The following SLC9A9 variants were observed in gnomAD, a reference collection of about 807,000 sequenced individuals.
SLC9A9 encodes sodium/hydrogen exchanger 9.
A neutral mutation model predicts 77.8 loss-of-function variants in SLC9A9; 62 were observed. That is an observed-to-expected ratio of 0.80 (90% CI 0.65 to 0.98). SLC9A9 has a LOEUF of 0.98. SLC9A9 is among the 50% of genes least tolerant of loss of function. SLC9A9 has a pLI of 0.00. For synonymous variants in SLC9A9, 320 were observed against 283.5 expected, an observed-to-expected ratio of 1.13 and a Z score of -1.29; for missense variants, 775 against 774.9, an observed-to-expected ratio of 1.00 and a Z score of 0.00.
At chr3:143,525,951 G>A (rs1269054446) in intron 9 of SLC9A9, among the ~76,000 whole-genome samples, 2 of 152,112 alleles carry the variant, frequency 1.3e-5, no homozygotes, top group African/African-American at 4.8e-5. Context: ...ACAAAAGACT[G>A]GAAGGAAAAA....
intron 4 of SLC9A9, among the ~76,000 whole-genome samples, chr3:143,727,982 C>A (rs898333054): frequency 3.3e-5 from 5 of 152,224 alleles, no homozygotes; most frequent in African/African-American, 4.8e-5. Context: ...GGCTTCCCCT[C>A]GTTGCCTGCA....
intron 6 of SLC9A9, among the ~76,000 whole-genome samples, chr3:143,602,610 CTA>C (rs2037863136): frequency 6.6e-6 from 1 of 151,954 alleles, no homozygotes; most frequent in Non-Finnish European, 1.5e-5. Flanking sequence ...TTTTAAAAGA[CTA>C]GGAAATATAG....
intron 7 of SLC9A9, among the ~76,000 whole-genome samples, chr3:143,574,941 C>T (rs1420340572): frequency 6.6e-6 from 1 of 152,150 alleles, no homozygotes; most frequent in Non-Finnish European, 1.5e-5. Context: ...ATATTAGGCA[C>T]AAAATGCCCT....
intron 14 of SLC9A9, among the ~76,000 whole-genome samples, chr3:143,298,410 G>A (rs2030373525): frequency 6.6e-6 from 1 of 152,190 alleles, no homozygotes; most frequent in Admixed American, 6.5e-5. Flanking sequence ...GATGCATTTA[G>A]TGGCATGAAC....
intron 5 of SLC9A9, among the ~76,000 whole-genome samples, chr3:143,680,597 T>C (rs1933055742): frequency 6.6e-6 from 1 of 152,162 alleles, no homozygotes; most frequent in African/African-American, 2.4e-5. Context: ...TTCTAGAAAC[T>C]TGCTGCTAAA....
chr3:143,558,218 G>A (rs1395743875), intron 8 of SLC9A9, among the ~76,000 whole-genome samples: 1 of 152,236 alleles, frequency 6.6e-6, no homozygotes, highest in Admixed American at 6.5e-5. Context: ...TGGATGTACA[G>A]GCAGAAGTTT....
chr3:143,447,240 G>A (rs959148972), intron 12 of SLC9A9, among the ~76,000 whole-genome samples: 1 of 152,108 alleles, frequency 6.6e-6, no homozygotes, highest in African/African-American at 2.4e-5. Context: ...TTTCACCTTG[G>A]TGCCCTACTG....
intron 4 of SLC9A9, among the ~76,000 whole-genome samples, chr3:143,693,602 T>C (rs1232405985): frequency 6.6e-6 from 1 of 152,186 alleles, no homozygotes; most frequent in Admixed American, 6.6e-5. Context: ...CTGTCAAATG[T>C]GGCACAGCAA....
intron 8 of SLC9A9, among the ~76,000 whole-genome samples, chr3:143,572,258 T>C (rs572833829): frequency 6.6e-6 from 1 of 152,088 alleles, no homozygotes; most frequent in Non-Finnish European, 1.5e-5. Context: ...GACAAGGAAA[T>C]AGACAATTTT....
intron 2 of SLC9A9, among the ~76,000 whole-genome samples, chr3:143,812,775 A>G (rs552450624): frequency 6.6e-6 from 1 of 152,322 alleles, no homozygotes; most frequent in East Asian, 1.9e-4. Flanking sequence ...GACTAGATTA[A>G]AGGAAGTCAG....
intron 4 of SLC9A9, among the ~76,000 whole-genome samples, chr3:143,778,572 GA>G (rs376100650): frequency 6.6e-5 from 10 of 150,722 alleles, no homozygotes; most frequent in African/African-American, 2.2e-4. Context: ...CAAGGAGGAA[GA>G]AAAAAAAGGA....
At chr3:143,600,386 C>A (rs1430593753) in intron 6 of SLC9A9, among the ~76,000 whole-genome samples, 1 of 152,114 alleles carries the variant, frequency 6.6e-6, no homozygotes, top group Non-Finnish European at 1.5e-5. Context: ...TACTATACAG[C>A]CATAAGAAAG....
At chr3:143,795,836 C>T (rs1466641780) in intron 3 of SLC9A9, among the ~76,000 whole-genome samples, 2 of 152,186 alleles carry the variant, frequency 1.3e-5, no homozygotes, top group East Asian at 1.9e-4. Flanking sequence ...GGAAGGGTTA[C>T]CTGAACAAAT....
chr3:143,845,912 G>T (rs371170754), intron 1 of SLC9A9, among the ~76,000 whole-genome samples: 113 of 152,290 alleles, frequency 7.4e-4, no homozygotes, highest in African/African-American at 2.6e-3. Flanking sequence ...ACTCATGAAA[G>T]AAGAATAGGA....
chr3:143,589,347 CA>C (rs2037610489), intron 6 of SLC9A9, among the ~76,000 whole-genome samples: 1 of 151,950 alleles, frequency 6.6e-6, no homozygotes, highest in African/African-American at 2.4e-5. Flanking sequence ...AATTATCTAA[CA>C]AAAAAAGTAC....
intron 9 of SLC9A9, among the ~76,000 whole-genome samples, chr3:143,521,116 C>T (rs530887270): frequency 8.1e-4 from 123 of 152,164 alleles, no homozygotes; most frequent in Non-Finnish European, 1.3e-3. Flanking sequence ...ATCAAATTGA[C>T]CAATCTTTTA....
intron 2 of SLC9A9, among the ~76,000 whole-genome samples, chr3:143,808,986 GAA>G (rs1286383034): frequency 7.9e-5 from 12 of 152,160 alleles, no homozygotes. Flanking sequence ...AAAATTTGAG[GAA>G]AGATCTTAAT....
intron 4 of SLC9A9, among the ~76,000 whole-genome samples, chr3:143,793,145 T>C (rs2008271597): frequency 2.6e-5 from 4 of 152,162 alleles, no homozygotes; most frequent in Admixed American, 2.6e-4. Flanking sequence ...CAACCAACAA[T>C]TTAAAATCTG....
At chr3:143,658,796 G>C (rs151106060) in intron 5 of SLC9A9, among the ~76,000 whole-genome samples, 4 of 152,294 alleles carry the variant, frequency 2.6e-5, no homozygotes, top group African/African-American at 9.6e-5. Context: ...ATGCAGTTTG[G>C]ATTAAGAAAA....
Sources: gnomAD v4.1 joint callset for allele counts (sites outside exome capture counted in the v4.1 genomes callset) on GRCh38, gnomAD v4.1.1 for gene constraint, MANE v1.5 for transcripts, NCBI Gene and HGNC (gene_info 2026-07-23, HGNC 2026-07-21) for gene names.